GRID1: variants seen among roughly 807,000 people sequenced by gnomAD.
GRID1 encodes the protein glutamate ionotropic receptor delta type subunit 1.
In GRID1, 28 loss-of-function variants were observed where a neutral mutation model predicts 98.0. The observed-to-expected ratio is 0.29, with a 90% CI of 0.21 to 0.39. The LOEUF is 0.39. Among genes scored for constraint, GRID1 ranks in the 10% least tolerant of loss-of-function variants. The pLI, the probability that GRID1 is intolerant of heterozygous loss-of-function variation, is 1.00. For synonymous variants in GRID1, 553 were observed against 538.5 expected, an observed-to-expected ratio of 1.03 and a Z score of -0.37; for missense variants, 1,111 against 1,340.5, an observed-to-expected ratio of 0.83 and a Z score of 2.67.
intron 4 of GRID1, among the ~76,000 whole-genome samples, chr10:86,116,903 T>G (rs1214433758): frequency 6.6e-6 from 1 of 152,114 alleles, no homozygotes; most frequent in Non-Finnish European, 1.5e-5. Flanking sequence ...CAAAGAATGA[T>G]TCTCAGGGAA....
chr10:86,042,302 C>T (rs1391484005), intron 4 of GRID1, among the ~76,000 whole-genome samples: 1 of 152,240 alleles, frequency 6.6e-6, no homozygotes, highest in South Asian at 2.1e-4. Context: ...ATACTCACGC[C>T]TCTGGCCCCA....
chr10:86,096,279 C>G (rs746576308), intron 4 of GRID1, among the ~76,000 whole-genome samples: 67 of 152,226 alleles, frequency 4.4e-4, no homozygotes, highest in Non-Finnish European at 1.8e-4. Flanking sequence ...CAAAATCTCA[C>G]AAATCACCAC....
chr10:85,633,661 C>T (rs1021350751), intron 13 of GRID1, among the ~76,000 whole-genome samples: 1 of 152,210 alleles, frequency 6.6e-6, no homozygotes, highest in African/African-American at 2.4e-5. Context: ...GGAAGAGCCT[C>T]ATCCTCTAAC....
chr10:86,128,671 A>G (rs1437160002), intron 4 of GRID1, among the ~76,000 whole-genome samples: 1 of 152,184 alleles, frequency 6.6e-6, no homozygotes, highest in Non-Finnish European at 1.5e-5. Flanking sequence ...CCGACCTAGC[A>G]GCAGGTCACC....
intron 5 of GRID1, among the ~76,000 whole-genome samples, chr10:85,910,914 T>TAGACAATCA (rs1841528573): frequency 6.6e-6 from 1 of 152,090 alleles, no homozygotes; most frequent in Admixed American, 6.5e-5. Context: ...AGGGAAGTCC[T>TAGACAATCA]AGACAATCAC....
At chr10:85,644,439 A>G (rs892155789) in intron 13 of GRID1, among the ~76,000 whole-genome samples, 4 of 152,132 alleles carry the variant, frequency 2.6e-5, no homozygotes, top group Admixed American at 6.5e-5. Flanking sequence ...TGTATATTTT[A>G]TACATTTTTA....
At chr10:85,885,164 C>T (rs1307228131) in intron 5 of GRID1, among the ~76,000 whole-genome samples, 6 of 152,224 alleles carry the variant, frequency 3.9e-5, no homozygotes, top group Non-Finnish European at 5.9e-5. Context: ...CAAATCTCTA[C>T]TTCACTTGCA....
At chr10:86,154,571 G>C (rs1354479590) in intron 3 of GRID1, among the ~76,000 whole-genome samples, 1 of 152,152 alleles carries the variant, frequency 6.6e-6, no homozygotes, top group Non-Finnish European at 1.5e-5. Context: ...TCTAGAGAGT[G>C]GCTGCAGATC....
chr10:86,328,996 AGT>A (rs991409877), intron 2 of GRID1, among the ~76,000 whole-genome samples: 23 of 152,148 alleles, frequency 1.5e-4, no homozygotes, highest in Non-Finnish European at 1.5e-5. Context: ...ATAAGGACTG[AGT>A]GTCTTTCAAG....
Position 85,621,343 on chromosome 10 carries a change from C to G in GRID1, c.2194-1310G>C, listed in dbSNP as rs543349972. Among the ~76,000 whole-genome samples the G allele has an allele frequency of 6.6e-5, 10 of 152,266 alleles. No homozygotes were observed. In the East Asian group the frequency reaches 1.9e-3, roughly 29 times the overall value. On this transcript the variant is annotated intron_variant, in intron 13 of 15. Coordinates refer to ENST00000327946, the MANE Select transcript of GRID1 (RefSeq NM_017551.3). Reference sequence around the variant, plus strand: ...TGCTAGCAAGCTACAGGCTTCTTGGCATTGTTGAGGACATTGTCCCTGGCT... The same window carrying G: ...TGCTAGCAAGCTACAGGCTTCTTGGGATTGTTGAGGACATTGTCCCTGGCT...
At chr10:86,059,813 A>C (rs768808940) in intron 4 of GRID1, among the ~76,000 whole-genome samples, 11 of 152,238 alleles carry the variant, frequency 7.2e-5, no homozygotes, top group Admixed American at 1.3e-4. Context: ...AGTCTTTTAC[A>C]AATCACTTTA....
chr10:86,065,390 A>C (rs754337257), intron 4 of GRID1, among the ~76,000 whole-genome samples: 1 of 152,244 alleles, frequency 6.6e-6, no homozygotes, highest in African/African-American at 2.4e-5. Flanking sequence ...CCAAGCAGCA[A>C]GGCCAATCTG....
intron 4 of GRID1, among the ~76,000 whole-genome samples, chr10:85,984,063 T>C (rs541351290): frequency 6.6e-6 from 1 of 152,152 alleles, no homozygotes; most frequent in South Asian, 2.1e-4. Flanking sequence ...GAATGTAATC[T>C]GAATCCAGCC....
chr10:85,763,948 G>C (rs1842173046), intron 8 of GRID1, among the ~76,000 whole-genome samples: 3 of 152,162 alleles, frequency 2.0e-5, no homozygotes, highest in African/African-American at 7.2e-5. Context: ...GTCTCTGAGA[G>C]ACTCCATTTA....
intron 3 of GRID1, among the ~76,000 whole-genome samples, chr10:86,156,521 G>A (rs1376823185): frequency 2.6e-5 from 4 of 152,200 alleles, no homozygotes; most frequent in South Asian, 2.1e-4. Context: ...GGAATTGACC[G>A]ATCTACAGGT....
chr10:85,988,935 G>T (rs988306470), intron 4 of GRID1, among the ~76,000 whole-genome samples: 1 of 152,202 alleles, frequency 6.6e-6, no homozygotes, highest in Admixed American at 6.5e-5. Context: ...ACACCTTTTG[G>T]GGCCACATGG....
intron 2 of GRID1, among the ~76,000 whole-genome samples, chr10:86,354,370 T>C (rs184351109): frequency 2.2e-3 from 340 of 152,234 alleles, no homozygotes; most frequent in Middle Eastern, 3.4e-3. Flanking sequence ...GAAAACATGG[T>C]GGCCGGGACA....
intron 4 of GRID1, among the ~76,000 whole-genome samples, chr10:85,959,359 C>G (rs974593328): frequency 2.0e-5 from 3 of 152,218 alleles, no homozygotes; most frequent in Non-Finnish European, 2.9e-5. Flanking sequence ...GGGAACAAGA[C>G]GAGGTGCAGC....
At chr10:86,144,289 C>G (rs1268621969) in intron 3 of GRID1, among the ~76,000 whole-genome samples, 1 of 152,070 alleles carries the variant, frequency 6.6e-6, no homozygotes, top group African/African-American at 2.4e-5. Context: ...TCTGGAAACC[C>G]CTAGGAAGAA....
Sources: allele counts gnomAD v4.1 joint callset (sites outside exome capture counted in the v4.1 genomes callset), GRCh38; gene constraint gnomAD v4.1.1; transcripts MANE v1.5; gene names NCBI Gene and HGNC (gene_info 2026-07-23, HGNC 2026-07-21).